The following FRMD4A variants were observed in gnomAD, a reference collection of about 807,000 sequenced individuals.
FRMD4A encodes the protein FERM domain containing 4A.
In FRMD4A, 29 loss-of-function variants were observed where a neutral mutation model predicts 129.1. That is an observed-to-expected ratio of 0.22 (90% CI 0.17 to 0.31). The LOEUF (loss-of-function observed/expected upper bound fraction) is 0.31, where lower values mean the gene tolerates loss of function less well. Ranked by LOEUF, FRMD4A falls within the 10% of genes least tolerant of loss-of-function variation. FRMD4A has a pLI of 1.00. For missense variants in FRMD4A, 1,272 were observed against 1,375.8 expected (o/e 0.92, Z 1.19); for synonymous variants, 634 against 571.6 (o/e 1.11, Z -1.56).
At chr10:13,808,973 G>A (rs898726169) in intron 4 of FRMD4A, among the ~76,000 whole-genome samples, 3 of 151,168 alleles carry the variant, frequency 2.0e-5, no homozygotes, top group Admixed American at 6.7e-5. Context: ...TGGCTTCTAC[G>A]CACGCACACA....
intron 2 of FRMD4A, among the ~76,000 whole-genome samples, chr10:14,000,584 T>C (rs1229454521): frequency 8.0e-6 from 1 of 124,936 alleles, no homozygotes; most frequent in African/African-American, 3.0e-5. Flanking sequence ...GAAGAGGAGG[T>C]TGCAGTAAGC....
At chr10:13,883,385 G>A (rs1053351041) in intron 2 of FRMD4A, among the ~76,000 whole-genome samples, 8 of 151,972 alleles carry the variant, frequency 5.3e-5, no homozygotes, top group African/African-American at 7.3e-5. Context: ...CCAGCTACTC[G>A]GGAGGCTAAG....
At chr10:14,151,138 G>A (rs1160663487) in intron 2 of FRMD4A, among the ~76,000 whole-genome samples, 2 of 152,158 alleles carry the variant, frequency 1.3e-5, no homozygotes, top group Admixed American at 6.6e-5. Flanking sequence ...GTCCACTGCA[G>A]GGACAGCAAC....
intron 2 of FRMD4A, among the ~76,000 whole-genome samples, chr10:14,309,828 C>T (rs1846479832): frequency 6.6e-6 from 1 of 152,210 alleles, no homozygotes; most frequent in South Asian, 2.1e-4. Flanking sequence ...GCTCAAGAAT[C>T]TGTGGTGAAT....
intron 4 of FRMD4A, among the ~76,000 whole-genome samples, chr10:13,803,899 C>T (rs2093309374): frequency 6.6e-6 from 1 of 152,222 alleles, no homozygotes; most frequent in Non-Finnish European, 1.5e-5. Context: ...TAAGAATTCA[C>T]TCCGCTCACC....
chr10:14,243,274 T>G (rs1037500607), intron 2 of FRMD4A, among the ~76,000 whole-genome samples: 3 of 151,608 alleles, frequency 2.0e-5, no homozygotes, highest in Non-Finnish European at 3.0e-5. Context: ...GGGAGGTGAT[T>G]GGATCATGGG....
At chr10:14,095,008 G>A (rs1836874725) in intron 2 of FRMD4A, among the ~76,000 whole-genome samples, 1 of 152,122 alleles carries the variant, frequency 6.6e-6, no homozygotes, top group African/African-American at 2.4e-5. Flanking sequence ...ATGCATGGAT[G>A]TATATCTGTG....
rs942780592 is a variant in FRMD4A, at chr10:14,107,006, A to T, written c.45+223052T>A. Among the ~76,000 whole-genome samples the T allele has an allele frequency of 2.0e-5, 3 of 152,226 alleles. No homozygotes were observed. The East Asian group carries it at 5.8e-4, about 29-fold the overall frequency. On this transcript the variant is annotated intron_variant, in intron 2 of 24. Transcript: ENST00000357447. ...AAATGTGGTACATATACACTATGGAATACTATGCAGCCATGAAAAAGATTG... is the reference window on the plus strand; with the variant it reads ...AAATGTGGTACATATACACTATGGATTACTATGCAGCCATGAAAAAGATTG...
intron 6 of FRMD4A, among the ~76,000 whole-genome samples, chr10:13,781,223 G>T (rs907664388): frequency 7.1e-6 from 1 of 140,210 alleles, no homozygotes; most frequent in African/African-American, 2.6e-5. Context: ...AGGATCACTT[G>T]AACCCAGAAG....
At chr10:14,277,094 G>T (rs1258578190) in intron 2 of FRMD4A, among the ~76,000 whole-genome samples, 1 of 152,068 alleles carries the variant, frequency 6.6e-6, no homozygotes, top group Non-Finnish European at 1.5e-5. Context: ...TGAACTCCTG[G>T]ATTTGAGCAA....
At chr10:14,121,505 G>C (rs778395409) in intron 2 of FRMD4A, among the ~76,000 whole-genome samples, 6 of 152,168 alleles carry the variant, frequency 3.9e-5, no homozygotes, top group Non-Finnish European at 7.3e-5. Context: ...CACACACCAC[G>C]CTTTGAGGAG....
At chr10:14,287,053 T>C (rs574987093) in intron 2 of FRMD4A, among the ~76,000 whole-genome samples, 17 of 152,278 alleles carry the variant, frequency 1.1e-4, no homozygotes, top group African/African-American at 4.1e-4. Context: ...CTAATAAAAT[T>C]GCAAAGCAGG....
At chr10:14,180,522 G>A (rs984444396) in intron 2 of FRMD4A, among the ~76,000 whole-genome samples, 1 of 152,178 alleles carries the variant, frequency 6.6e-6, no homozygotes, top group Non-Finnish European at 1.5e-5. Context: ...AGACTTACGA[G>A]CAAGCCAGAG....
chr10:14,265,181 A>G (rs768806182), intron 2 of FRMD4A, among the ~76,000 whole-genome samples: 7 of 152,204 alleles, frequency 4.6e-5, no homozygotes, highest in Non-Finnish European at 1.0e-4. Context: ...TTAGTACCCA[A>G]CGTAGAGCAG....
intron 2 of FRMD4A, among the ~76,000 whole-genome samples, chr10:13,915,638 C>T (rs2094993324): frequency 6.7e-6 from 1 of 150,194 alleles, no homozygotes; most frequent in Non-Finnish European, 1.5e-5. Flanking sequence ...CGCCACTGCA[C>T]TCCAGACTGG....
chr10:13,766,386 A>C (rs894589624), intron 6 of FRMD4A, among the ~76,000 whole-genome samples: 2 of 152,226 alleles, frequency 1.3e-5, no homozygotes, highest in African/African-American at 4.8e-5. Context: ...AAGATATCAA[A>C]AACAGGAGGA....
At chr10:14,295,858 G>C (rs897133271) in intron 2 of FRMD4A, among the ~76,000 whole-genome samples, 2 of 152,102 alleles carry the variant, frequency 1.3e-5, no homozygotes, top group African/African-American at 4.8e-5. Context: ...AGAACTGCTA[G>C]GTTATCTCAA....
chr10:14,025,857 C>T (rs551359545), intron 2 of FRMD4A, among the ~76,000 whole-genome samples: 20 of 152,270 alleles, frequency 1.3e-4, no homozygotes, highest in African/African-American at 2.9e-4. Flanking sequence ...TAGCCTGTGT[C>T]GGACTTTCTT....
chr10:14,124,567 T>G (rs1838723763), intron 2 of FRMD4A, among the ~76,000 whole-genome samples: 1 of 152,004 alleles, frequency 6.6e-6, no homozygotes. Context: ...TCTCAGCTAC[T>G]CAGAAGGCTG....
Sources: allele counts gnomAD v4.1 joint callset (sites outside exome capture counted in the v4.1 genomes callset), GRCh38; gene constraint gnomAD v4.1.1; transcripts MANE v1.5; gene names NCBI Gene and HGNC (gene_info 2026-07-23, HGNC 2026-07-21).